Variants in UNC79 observed in about 807,000 individuals in gnomAD.
The protein encoded by UNC79 is unc-79 subunit of NALCN channel complex, also known as protein unc-79 homolog.
In UNC79, 37 loss-of-function variants were observed where a neutral mutation model predicts 283.1. The observed-to-expected ratio is 0.13, with a 90% CI of 0.10 to 0.17. The LOEUF (loss-of-function observed/expected upper bound fraction) is 0.17. UNC79 is among the 10% of genes least tolerant of loss of function. UNC79 has a pLI of 1.00. For missense variants in UNC79, 2,272 were observed against 3,211.1 expected (o/e 0.71, Z 7.07); for synonymous variants, 1,107 against 1,200.2 (o/e 0.92, Z 1.61).
chr14:93,569,248 C>T (rs1283641216), intron 14 of UNC79, among the ~76,000 whole-genome samples: 1 of 152,020 alleles, frequency 6.6e-6, no homozygotes, highest in African/African-American at 2.4e-5. Context: ...CCATCCTGGC[C>T]AACATGGTGA....
intron 1 of UNC79, among the ~76,000 whole-genome samples, chr14:93,349,811 G>A (rs2053946575): frequency 6.6e-6 from 1 of 152,088 alleles, no homozygotes; most frequent in African/African-American, 2.4e-5. Context: ...TGTGGTTAAG[G>A]TTCTTACTCA....
At chr14:93,508,133 C>T (rs2059640425) in intron 7 of UNC79, among the ~76,000 whole-genome samples, 1 of 150,912 alleles carries the variant, frequency 6.6e-6, no homozygotes, top group Non-Finnish European at 1.5e-5. Flanking sequence ...TCTTTGACTA[C>T]TTTGGCTATT....
At chr14:93,438,186 A>G (rs1006531163) in intron 1 of UNC79, among the ~76,000 whole-genome samples, 2 of 152,206 alleles carry the variant, frequency 1.3e-5, no homozygotes, top group Admixed American at 1.3e-4. Context: ...ATGCTATTAA[A>G]TAACTTTTTT....
At chr14:93,642,859 T>G (rs769434480) in intron 33 of UNC79, among the ~76,000 whole-genome samples, 2 of 152,254 alleles carry the variant, frequency 1.3e-5, no homozygotes, top group Non-Finnish European at 2.9e-5. Context: ...CTTCCTTTTA[T>G]AAAACTGCTC....
At chr14:93,443,730 A>G (rs559503941) in intron 1 of UNC79, among the ~76,000 whole-genome samples, 1 of 152,184 alleles carries the variant, frequency 6.6e-6, no homozygotes, top group South Asian at 2.1e-4. Context: ...GCTTCTGTCT[A>G]ACTTCTTTTA....
intron 14 of UNC79, among the ~76,000 whole-genome samples, chr14:93,544,046 G>A (rs1013072953): frequency 1.3e-5 from 2 of 152,120 alleles, no homozygotes; most frequent in Admixed American, 6.5e-5. Flanking sequence ...TGCCTGTGTT[G>A]ATATATTTTC....
intron 42 of UNC79, 78 bp downstream of exon 45, chr14:93,682,772 C>A: frequency 6.9e-7 from 1 of 1,449,376 alleles, no homozygotes; most frequent in Non-Finnish European, 9.6e-7. Context: ...TTTAGACTTA[C>A]ATCAGGGTTT....
chr14:93,403,346 G>T (rs1223468954), intron 1 of UNC79, among the ~76,000 whole-genome samples: 1 of 152,206 alleles, frequency 6.6e-6, no homozygotes, highest in East Asian at 1.9e-4. Flanking sequence ...CTGTTTTAGG[G>T]TAAAGATCTT....
chr14:93,685,991 A>T (rs1051607137), intron 42 of UNC79, among the ~76,000 whole-genome samples: 1 of 152,182 alleles, frequency 6.6e-6, no homozygotes, highest in Non-Finnish European at 1.5e-5. Flanking sequence ...ACAGTAATAC[A>T]TGTATCTATT....
intron 4 of UNC79, among the ~76,000 whole-genome samples, chr14:93,485,520 T>C (rs1368194012): frequency 2.0e-5 from 3 of 152,106 alleles, no homozygotes; most frequent in East Asian, 3.9e-4. Context: ...GCATCTTCTT[T>C]GGCCCCAAAG....
At chr14:93,586,127 C>T (rs912105419) in intron 20 of UNC79, among the ~76,000 whole-genome samples, 3 of 152,116 alleles carry the variant, frequency 2.0e-5, no homozygotes, top group Non-Finnish European at 2.9e-5. Context: ...GTGATCTACC[C>T]GCCTTGGCCT....
intron 40 of UNC79, among the ~76,000 whole-genome samples, chr14:93,664,230 G>T (rs1343130185): frequency 6.6e-6 from 1 of 152,124 alleles, no homozygotes; most frequent in Non-Finnish European, 1.5e-5. Context: ...GGCATAGAAA[G>T]GTAAGAACTT....
At chr14:93,547,449 C>T (rs183216845) in intron 14 of UNC79, among the ~76,000 whole-genome samples, 1 of 152,212 alleles carries the variant, frequency 6.6e-6, no homozygotes, top group Admixed American at 6.5e-5. Context: ...TAGGATTTGG[C>T]TTTGGAAAGG....
rs149718117 is a variant in UNC79, at chr14:93,406,935, G to C, written c.-350-60736G>C. ...GGCTAGAAGTCTAAAGAAAATCAAG[G>C]CGTCAGCAGATGGAAGCCCTAGATA... On this transcript the variant is annotated intron_variant, in intron 1 of 49. Coordinates refer to the UNC79 transcript ENST00000256339. Among the ~76,000 whole-genome samples, 1,089 of 152,186 alleles carry C rather than the reference G, an allele frequency of 7.2e-3. 11 individuals carry two copies. Among genetic ancestry groups the C allele is most frequent in the South Asian group, 0.015 (73 of 4,802 alleles).
chr14:93,610,978 T>C (rs2066261763), intron 26 of UNC79, among the ~76,000 whole-genome samples: 2 of 152,186 alleles, frequency 1.3e-5, no homozygotes, highest in Admixed American at 1.3e-4. Context: ...CTTACAAGGA[T>C]TTACATAGGT....
chr14:93,642,881 T>C (rs2069199152), intron 33 of UNC79, among the ~76,000 whole-genome samples: 1 of 152,210 alleles, frequency 6.6e-6, no homozygotes, highest in African/African-American at 2.4e-5. Context: ...CTTTATCAGC[T>C]GGCTTTGGTC....
In UNC79 at chr14:93,615,297, G is replaced by A. The variant is rs1222808525; in HGVS notation, c.4042-1825G>A. On this transcript the variant is annotated intron_variant, in intron 27 of 48. Transcript: ENST00000555664. ...ACGTGAGAGCAATGTGCGTGTAGTC[G>A]TCCTGTGCTGATGCTGATAACTGGA... is the stretch of plus-strand genomic sequence containing the variant. 3.9e-5 allele frequency among the ~76,000 whole-genome samples: 6 copies of A among 152,074 alleles called. No individual in the cohort carries two copies. In the East Asian group the frequency reaches 5.8e-4, roughly 15 times the overall value.
intron 23 of UNC79, among the ~76,000 whole-genome samples, chr14:93,595,851 T>C (rs947950530): frequency 1.3e-5 from 2 of 152,258 alleles, no homozygotes; most frequent in Non-Finnish European, 2.9e-5. Context: ...TCAAGAGTTA[T>C]GAATGATTCC....
chr14:93,500,301 A>T (rs962539469), intron 7 of UNC79, among the ~76,000 whole-genome samples: 3 of 152,190 alleles, frequency 2.0e-5, no homozygotes, highest in Non-Finnish European at 2.9e-5. Flanking sequence ...TTCATTCTTC[A>T]GTCCATCCTT....
Sources: allele counts gnomAD v4.1 joint callset (sites outside exome capture counted in the v4.1 genomes callset), GRCh38; gene constraint gnomAD v4.1.1; transcripts MANE v1.5; gene names NCBI Gene and HGNC (gene_info 2026-07-23, HGNC 2026-07-21).